The following APBA1 variants were observed in gnomAD, a reference collection of about 807,000 sequenced individuals.
APBA1 encodes the protein amyloid beta precursor protein binding family A member 1.
A neutral mutation model predicts 86.6 loss-of-function variants in APBA1; 55 were observed. That is an observed-to-expected ratio of 0.64 (90% confidence interval 0.51 to 0.80). The LOEUF (loss-of-function observed/expected upper bound fraction) is 0.80. Among genes scored for constraint, APBA1 ranks in the 30% least tolerant of loss-of-function variants. The pLI, the probability that APBA1 is intolerant of heterozygous loss-of-function variation, is 0.00. For missense variants in APBA1, 1,090 were observed against 1,183.0 expected (o/e 0.92, Z 1.15); for synonymous variants, 511 against 493.9 (o/e 1.03, Z -0.46).
At chr9:69,534,294 T>C (rs574436239) in intron 1 of APBA1, among the ~76,000 whole-genome samples, 1 of 152,168 alleles carries the variant, frequency 6.6e-6, no homozygotes, top group Non-Finnish European at 1.5e-5. Flanking sequence ...CAATACAGCA[T>C]TGGAACTACA....
intron 1 of APBA1, among the ~76,000 whole-genome samples, chr9:69,593,460 G>A (rs922086293): frequency 6.6e-6 from 1 of 151,982 alleles, no homozygotes; most frequent in Admixed American, 6.6e-5. Context: ...AATTATAACC[G>A]TAAGAATTAC....
In APBA1 at chr9:69,437,090, T is replaced by C. The variant is rs565821638; in HGVS notation, c.2301+3906A>G. Among the ~76,000 whole-genome samples, 191 of 151,386 alleles carry C rather than the reference T, an allele frequency of 1.3e-3. 3 individuals carry two copies. Among genetic ancestry groups the C allele is most frequent in the African/African-American group, 3.5e-3 (145 of 41,274 alleles). On this transcript the variant is annotated intron_variant, in intron 11 of 12. Coordinates refer to ENST00000265381, the MANE Select transcript of APBA1 (RefSeq NM_001163.4). The stretch of plus-strand genomic sequence containing the variant: ...ATGATGGATTATGTTAATTGATTTT[T>C]GTATGTTGAACCAGCCTTGCATCCC...
chr9:69,597,500 G>A (rs1345383366), intron 1 of APBA1, among the ~76,000 whole-genome samples: 2 of 152,188 alleles, frequency 1.3e-5, no homozygotes, highest in Non-Finnish European at 2.9e-5. Flanking sequence ...TTGCTGTGCA[G>A]AAGCTCTTTA....
chr9:69,544,647 C>T (rs1034199092), intron 1 of APBA1, among the ~76,000 whole-genome samples: 2 of 152,150 alleles, frequency 1.3e-5, no homozygotes, highest in African/African-American at 4.8e-5. Context: ...AATAGCCTTA[C>T]TATTGATATT....
chr9:69,664,448 A>G (rs1823808426), intron 1 of APBA1, among the ~76,000 whole-genome samples: 1 of 152,238 alleles, frequency 6.6e-6, no homozygotes. Flanking sequence ...CAGAAACTCA[A>G]GAAGTACTAT....
chr9:69,515,055 G>A (rs1239238386), intron 2 of APBA1, among the ~76,000 whole-genome samples: 2 of 152,204 alleles, frequency 1.3e-5, no homozygotes, highest in African/African-American at 4.8e-5. Context: ...CTGGGACCAG[G>A]AGCATCGCAT....
chr9:69,627,972 C>T (rs1274431330), intron 1 of APBA1, among the ~76,000 whole-genome samples: 1 of 152,144 alleles, frequency 6.6e-6, no homozygotes, highest in East Asian at 1.9e-4. Flanking sequence ...GTGTAATCCC[C>T]TTCCTTTGAT....
intron 9 of APBA1, 106 bp from the exon 10 acceptor site, chr9:69,449,902 C>G (rs1834974189): frequency 1.1e-6 from 1 of 918,114 alleles, no homozygotes; most frequent in Non-Finnish European, 1.6e-6. Context: ...AAGACACTTC[C>G]CTGGGGACAC....
rs750215572 is a variant in APBA1 at position 69,456,239 on chromosome 9, AC to A, written c.1788+7del. On this transcript the variant is annotated splice_region_variant and intron_variant, in intron 8 of 12. Coordinates refer to ENST00000265381, the MANE Select transcript of APBA1 (RefSeq NM_001163.4). ...ACCCAAAAGGAGATCAAAGGAAGCA[AC>A]CCTTACATCCTCAGACTCGAAGACG... 11 of 1,614,138 alleles carry A rather than the reference AC, an allele frequency of 6.8e-6. No individual in the cohort carries two copies. The highest frequency in any genetic ancestry group is 9.3e-6 in the Non-Finnish European group (11 of 1,180,018).
In APBA1 at chr9:69,456,310, G is replaced by A; in HGVS notation, c.1725C>T (p.Ser575=). Residue 575 remains serine, a synonymous_variant, in exon 8 of 13, where the codon TCC becomes TCT. Transcript: ENST00000265381. ...RSNSQENVEA[S]HPSQDGKRQY... ...GCCTTTTCCCATCCTGGGATGGGTG[G>A]GACGCTTCCACGTTCTCCTGGGAGT... 6.2e-7 allele frequency: 1 copy of A among 1,614,148 alleles called. No individual in the cohort carries two copies. The highest frequency in any genetic ancestry group is 8.5e-7 in the Non-Finnish European group (1 of 1,180,014).
chr9:69,522,760 C>G (rs2133896977), intron 1 of APBA1, among the ~76,000 whole-genome samples: 1 of 152,296 alleles, frequency 6.6e-6, no homozygotes, highest in South Asian at 2.1e-4. Context: ...GCATCCTAAG[C>G]AAGCTTAGGA....
intron 2 of APBA1, among the ~76,000 whole-genome samples, chr9:69,486,515 G>A (rs1835612272): frequency 6.6e-6 from 1 of 152,130 alleles, no homozygotes; most frequent in African/African-American, 2.4e-5. Context: ...CAGGTCCCCA[G>A]CAGGTGGCCA....
At chr9:69,598,322 T>C (rs947936432) in intron 1 of APBA1, among the ~76,000 whole-genome samples, 1 of 152,096 alleles carries the variant, frequency 6.6e-6, no homozygotes, top group African/African-American at 2.4e-5. Context: ...TTGGGAGATA[T>C]ACCTAATGCT....
intron 1 of APBA1, among the ~76,000 whole-genome samples, chr9:69,559,637 C>T (rs1347422134): frequency 1.3e-5 from 2 of 152,068 alleles, no homozygotes; most frequent in East Asian, 1.9e-4. Context: ...TATTTTTTCT[C>T]AGATTTTGAA....
intron 2 of APBA1, among the ~76,000 whole-genome samples, chr9:69,489,436 G>A (rs957670932): frequency 6.6e-6 from 1 of 152,112 alleles, no homozygotes; most frequent in Non-Finnish European, 1.5e-5. Flanking sequence ...GTAGAAACCT[G>A]AAACTGGATC....
intron 1 of APBA1, among the ~76,000 whole-genome samples, chr9:69,631,300 A>G (rs1011930300): frequency 1.1e-4 from 16 of 152,338 alleles, no homozygotes; most frequent in African/African-American, 3.8e-4. Flanking sequence ...CAGACACATG[A>G]AAAAATGCTC....
intron 1 of APBA1, among the ~76,000 whole-genome samples, chr9:69,593,760 C>T (rs1297834152): frequency 2.0e-5 from 3 of 152,112 alleles, no homozygotes; most frequent in Non-Finnish European, 4.4e-5. Context: ...ATAAGAGGTC[C>T]AGGATTAAAA....
intron 10 of APBA1, among the ~76,000 whole-genome samples, chr9:69,441,838 G>A (rs536968699): frequency 3.9e-5 from 6 of 152,284 alleles, no homozygotes; most frequent in South Asian, 2.1e-4. Flanking sequence ...AAAATGGAGC[G>A]TAGAGGGAAA....
At chr9:69,561,421 G>A (rs1313890810) in intron 1 of APBA1, among the ~76,000 whole-genome samples, 2 of 152,154 alleles carry the variant, frequency 1.3e-5, no homozygotes, top group African/African-American at 4.8e-5. Flanking sequence ...TGATACCATT[G>A]TTATGTAGGA....
Sources: gnomAD v4.1 joint callset for allele counts (sites outside exome capture counted in the v4.1 genomes callset) on GRCh38, gnomAD v4.1.1 for gene constraint, MANE v1.5 for transcripts, NCBI Gene and HGNC (gene_info 2026-07-23, HGNC 2026-07-21) for gene names.